PARD3B: variants seen among roughly 807,000 people sequenced by gnomAD.
The protein encoded by PARD3B is partitioning defective 3 homolog B.
Under a neutral mutation model 130.2 loss-of-function variants are expected in PARD3B, and 103 were observed. That is an observed-to-expected ratio of 0.79 (90% CI 0.67 to 0.93). The LOEUF is 0.93. PARD3B is among the 40% of genes least tolerant of loss of function. PARD3B has a pLI of 0.00. For missense variants in PARD3B, 1,609 were observed against 1,499.2 expected, an observed-to-expected ratio of 1.07 and a Z score of -1.21; for synonymous variants, 583 against 553.2, an observed-to-expected ratio of 1.05 and a Z score of -0.76.
chr2:204,801,991 A>G (rs934587247), intron 2 of PARD3B, among the ~76,000 whole-genome samples: 1 of 152,132 alleles, frequency 6.6e-6, no homozygotes, highest in Non-Finnish European at 1.5e-5. Context: ...GGTTTTGTTT[A>G]TGTGATGGAT....
Position 204,907,736 on chromosome 2 carries a change from C to G in PARD3B, c.223-57416C>G, listed in dbSNP as rs943434645. 6.6e-6 allele frequency among the ~76,000 whole-genome samples: 1 copy of G among 152,096 alleles called. No individual in the cohort carries two copies. Among genetic ancestry groups the G allele is most frequent in the South Asian group, 2.1e-4 (1 of 4,828 alleles). ...TTTGTTTTTGACACAGAGTCTCACT[C>G]TGTCACCCAGGCTAGAGTACAGTGT... On this transcript the variant is annotated intron_variant, in intron 2 of 22. Coordinates refer to ENST00000406610, the MANE Select transcript of PARD3B (RefSeq NM_001302769.2). This position sits in a 1 kb window ranked among gnomAD's most constrained non-coding sequence, Gnocchi z 5.7.
intron 2 of PARD3B, among the ~76,000 whole-genome samples, chr2:204,715,650 G>T (rs995329354): frequency 1.3e-5 from 2 of 152,070 alleles, no homozygotes; most frequent in African/African-American, 4.8e-5. Context: ...AATTTGCAAG[G>T]AGTCTTAGAG....
chr2:205,172,530 G>A, intron 12 of PARD3B, 149 bp downstream of exon 12: 1 of 773,822 alleles, frequency 1.3e-6, no homozygotes, highest in Admixed American at 3.2e-5. Flanking sequence ...TGTATTTTAG[G>A]TATAATAGAA....
chr2:204,666,866 G>A (rs1040738558), intron 1 of PARD3B, among the ~76,000 whole-genome samples: 3 of 152,112 alleles, frequency 2.0e-5, no homozygotes, highest in Admixed American at 6.6e-5. Flanking sequence ...AAGTCCTAGC[G>A]GTAGATGAGC....
intron 16 of PARD3B, among the ~76,000 whole-genome samples, chr2:205,251,413 A>G (rs1015409025): frequency 5.9e-5 from 9 of 152,168 alleles, no homozygotes; most frequent in African/African-American, 2.2e-4. Flanking sequence ...GCAAGTTACT[A>G]CTTCAGCAGG....
chr2:205,604,008 T>C (rs1483536076), intron 22 of PARD3B, among the ~76,000 whole-genome samples: 1 of 152,104 alleles, frequency 6.6e-6, no homozygotes, highest in African/African-American at 2.4e-5. Context: ...CCATATTTAG[T>C]GCTTCCTTCA....
chr2:205,542,047 G>A (rs898128086), intron 21 of PARD3B, among the ~76,000 whole-genome samples: 3 of 149,100 alleles, frequency 2.0e-5, no homozygotes, highest in Admixed American at 6.8e-5. Context: ...GGAAGCTGAG[G>A]CAGGAGAATA....
At chr2:204,861,275 A>G (rs1248454960) in intron 2 of PARD3B, among the ~76,000 whole-genome samples, 1 of 150,348 alleles carries the variant, frequency 6.7e-6, no homozygotes, top group African/African-American at 2.4e-5. Flanking sequence ...TTCACGTAGT[A>G]ACTTTTATCC....
chr2:204,877,479 G>A (rs184900609), intron 2 of PARD3B, among the ~76,000 whole-genome samples: 3 of 152,174 alleles, frequency 2.0e-5, no homozygotes, highest in Non-Finnish European at 1.5e-5. Context: ...CCATATGTGA[G>A]TTATGTGTGC....
chr2:204,951,585 G>A (rs552081846), intron 2 of PARD3B, among the ~76,000 whole-genome samples: 1 of 152,278 alleles, frequency 6.6e-6, no homozygotes, highest in African/African-American at 2.4e-5. Context: ...TTTTTTAATA[G>A]ATGAACTCTC....
At chr2:204,564,408 A>G (rs1474826753) in intron 1 of PARD3B, among the ~76,000 whole-genome samples, 2 of 152,160 alleles carry the variant, frequency 1.3e-5, no homozygotes, top group Non-Finnish European at 2.9e-5. Flanking sequence ...GAGATGATGG[A>G]AGTACAAGCA....
rs1481041227 is a variant in PARD3B, at chr2:204,790,593, TC to T, written c.222+104314del. On this transcript the variant is annotated intron_variant, in intron 2 of 22. Transcript: ENST00000406610. ...ATAATGTGGAGTTGACACCACCTGT[TC>T]CCAAAAGCACCATCTAAGAGTCTGC... Among the ~76,000 whole-genome samples, 3 of 152,312 alleles carry T rather than the reference TC, an allele frequency of 2.0e-5. 1 individual carries two copies. The highest frequency in any genetic ancestry group is 6.8e-3 in the Middle Eastern group (2 of 294).
chr2:204,987,647 A>G (rs1470312130), intron 3 of PARD3B, among the ~76,000 whole-genome samples: 1 of 152,160 alleles, frequency 6.6e-6, no homozygotes, highest in Non-Finnish European at 1.5e-5. Flanking sequence ...AAACAAATCA[A>G]ATTAACAAAT....
chr2:205,138,173 T>C (rs932219374), intron 10 of PARD3B, among the ~76,000 whole-genome samples: 1 of 152,218 alleles, frequency 6.6e-6, no homozygotes, highest in South Asian at 2.1e-4. Context: ...ATTCCGTTCA[T>C]GAATTTCTTA....
intron 4 of PARD3B, among the ~76,000 whole-genome samples, chr2:205,096,965 A>T (rs1219182541): frequency 6.6e-6 from 1 of 152,170 alleles, no homozygotes; most frequent in Non-Finnish European, 1.5e-5. Flanking sequence ...CAACCAAGAG[A>T]CATTACAAGG....
chr2:204,633,683 A>C (rs893121120), intron 1 of PARD3B, among the ~76,000 whole-genome samples: 1 of 152,100 alleles, frequency 6.6e-6, no homozygotes, highest in African/African-American at 2.4e-5. Flanking sequence ...ATGGTGGTGC[A>C]CACCTGTAGC....
chr2:205,135,755 G>T (rs2032428445), intron 10 of PARD3B, among the ~76,000 whole-genome samples: 1 of 152,020 alleles, frequency 6.6e-6, no homozygotes, highest in Non-Finnish European at 1.5e-5. Flanking sequence ...ACAGTAGATA[G>T]GTGCCCTTTT....
At chr2:205,043,615 T>G (rs755167799) in intron 3 of PARD3B, among the ~76,000 whole-genome samples, 44 of 152,182 alleles carry the variant, frequency 2.9e-4, no homozygotes, top group Non-Finnish European at 5.3e-4. Flanking sequence ...TTTCCTTTAC[T>G]CCCTAACACT....
chr2:205,416,157 C>T (rs1319140839), intron 19 of PARD3B, among the ~76,000 whole-genome samples: 1 of 151,986 alleles, frequency 6.6e-6, no homozygotes, highest in East Asian at 1.9e-4. Context: ...ATGAAGAAGA[C>T]TTAGCTGTCT....
Sources: gnomAD v4.1 joint callset for allele counts (sites outside exome capture counted in the v4.1 genomes callset) on GRCh38, gnomAD v4.1.1 for gene constraint, Gnocchi (gnomAD v3.1) non-coding constraint, MANE v1.5 for transcripts, NCBI Gene and HGNC (gene_info 2026-07-23, HGNC 2026-07-21) for gene names.